TTC28: variants seen among roughly 807,000 people sequenced by gnomAD.
TTC28 encodes tetratricopeptide repeat protein 28.
TTC28 carries 61 observed loss-of-function variants against 198.0 expected under a neutral mutation model. The ratio of observed to expected loss-of-function variants is 0.31; its 90% CI spans 0.25 to 0.38. TTC28 has a LOEUF of 0.38. Among genes scored for constraint, TTC28 ranks in the 10% least tolerant of loss-of-function variants. The pLI is 1.00. For synonymous variants in TTC28, 1,171 were observed against 1,297.8 expected, an observed-to-expected ratio of 0.90 and a Z score of 2.10; for missense variants, 2,678 against 3,164.0, an observed-to-expected ratio of 0.85 and a Z score of 3.69.
chr22:27,984,923 G>A (rs1160305737), intron 22 of TTC28, among the ~76,000 whole-genome samples: 1 of 152,196 alleles, frequency 6.6e-6, no homozygotes, highest in Non-Finnish European at 1.5e-5. Context: ...CACATGACCT[G>A]AGTGTCCGCT....
chr22:28,004,841 G>A (rs1433206099), intron 14 of TTC28, among the ~76,000 whole-genome samples: 4 of 152,214 alleles, frequency 2.6e-5, no homozygotes, highest in Admixed American at 6.5e-5. Flanking sequence ...GAAAGCAAGC[G>A]ATATCTCTAT....
chr22:28,444,090 T>A (rs1171242606), intron 2 of TTC28, among the ~76,000 whole-genome samples: 1 of 152,224 alleles, frequency 6.6e-6, no homozygotes, highest in East Asian at 1.9e-4. Context: ...TTCATTCATC[T>A]TCTGTGAAAT....
chr22:28,587,957 T>C (rs185325882), intron 2 of TTC28, among the ~76,000 whole-genome samples: 4 of 151,486 alleles, frequency 2.6e-5, no homozygotes, highest in Admixed American at 6.6e-5. Flanking sequence ...CTGGCTAACA[T>C]GGTGAAACCC....
chr22:28,604,034 T>C (rs1338949216), intron 2 of TTC28, among the ~76,000 whole-genome samples: 2 of 152,020 alleles, frequency 1.3e-5, no homozygotes, highest in African/African-American at 4.8e-5. Context: ...TCCCAGCATT[T>C]TGGGAGGCCG....
chr22:28,155,913 GA>G (rs1294378101), intron 6 of TTC28, among the ~76,000 whole-genome samples: 1 of 152,210 alleles, frequency 6.6e-6, no homozygotes, highest in Non-Finnish European at 1.5e-5. Flanking sequence ...GACATGGGAA[GA>G]AGGGAATGGA....
intron 2 of TTC28, among the ~76,000 whole-genome samples, chr22:28,344,144 A>G (rs2045873303): frequency 6.6e-6 from 1 of 151,212 alleles, no homozygotes; most frequent in Admixed American, 6.6e-5. Context: ...GCAATCTAGT[A>G]TGGTGTCTAG....
intron 5 of TTC28, among the ~76,000 whole-genome samples, chr22:28,166,266 G>A (rs942988662): frequency 2.6e-5 from 4 of 152,046 alleles, no homozygotes; most frequent in South Asian, 2.1e-4. Context: ...ACAGATCAAC[G>A]AGACAGAAAG....
chr22:28,350,335 G>C (rs1161009495), intron 2 of TTC28, among the ~76,000 whole-genome samples: 1 of 152,052 alleles, frequency 6.6e-6, no homozygotes, highest in African/African-American at 2.4e-5. Flanking sequence ...AAGAAAATTT[G>C]GATCTTTATT....
chr22:28,597,047 A>G (rs1201690607), intron 2 of TTC28, among the ~76,000 whole-genome samples: 1 of 152,204 alleles, frequency 6.6e-6, no homozygotes, highest in Non-Finnish European at 1.5e-5. Context: ...GAGTCATACC[A>G]TCAAGATTCA....
intron 6 of TTC28, among the ~76,000 whole-genome samples, chr22:28,137,070 C>T (rs1943216629): frequency 6.6e-6 from 1 of 152,188 alleles, no homozygotes; most frequent in Non-Finnish European, 1.5e-5. Context: ...ATGGCTGTTG[C>T]TGGCTGTTAG....
rs370842753 is a variant in TTC28 at position 28,229,653 on chromosome 22, G to A, written c.934-66054C>T. Among the ~76,000 whole-genome samples the A allele has an allele frequency of 2.6e-5, 4 of 152,236 alleles. No individual in the cohort carries two copies. In the East Asian group the frequency reaches 5.8e-4, roughly 22 times the overall value. Reference sequence around the variant, plus strand: ...ATGGAGGCAACAAGCAGCTTCCTAAGAGCTGCTAGTCTTAAAAGCTTATTC... The same window carrying A: ...ATGGAGGCAACAAGCAGCTTCCTAAAAGCTGCTAGTCTTAAAAGCTTATTC... On this transcript the variant is annotated intron_variant, in intron 5 of 22. Coordinates refer to ENST00000397906, the MANE Select transcript of TTC28 (RefSeq NM_001145418.2).
intron 5 of TTC28, among the ~76,000 whole-genome samples, chr22:28,201,467 A>G (rs1418703920): frequency 6.6e-6 from 1 of 152,124 alleles, no homozygotes; most frequent in African/African-American, 2.4e-5. Flanking sequence ...AAACCTGAAG[A>G]ATCAGTAAGA....
intron 1 of TTC28, among the ~76,000 whole-genome samples, chr22:28,655,625 A>G (rs1308634299): frequency 6.6e-6 from 1 of 152,176 alleles, no homozygotes; most frequent in Non-Finnish European, 1.5e-5. Context: ...GCACTTTGGG[A>G]GGCCCAGGCG....
At chr22:28,395,070 C>T (rs983864912) in intron 2 of TTC28, among the ~76,000 whole-genome samples, 1 of 152,182 alleles carries the variant, frequency 6.6e-6, no homozygotes, top group Non-Finnish European at 1.5e-5. Context: ...CAGACAGGAA[C>T]ATGAGTTTCA....
chr22:28,074,856 T>C (rs927149810), intron 12 of TTC28, among the ~76,000 whole-genome samples: 1 of 152,134 alleles, frequency 6.6e-6, no homozygotes, highest in African/African-American at 2.4e-5. Context: ...TCCCAGCACT[T>C]TGGGAGGCCA....
At chr22:28,164,751 G>A (rs1663381676) in intron 5 of TTC28, among the ~76,000 whole-genome samples, 1 of 152,122 alleles carries the variant, frequency 6.6e-6, no homozygotes, top group Non-Finnish European at 1.5e-5. Context: ...CTCCTCCAAA[G>A]GAACACAGTT....
At chr22:28,290,033 A>AAT (rs2044758650) in intron 5 of TTC28, among the ~76,000 whole-genome samples, 1 of 150,236 alleles carries the variant, frequency 6.7e-6, no homozygotes. Flanking sequence ...CAAAAAAAAA[A>AAT]TTTTTTTTTT....
chr22:28,526,233 C>G (rs1403805393), intron 2 of TTC28, among the ~76,000 whole-genome samples: 1 of 152,114 alleles, frequency 6.6e-6, no homozygotes, highest in Non-Finnish European at 1.5e-5. Flanking sequence ...ATAAGACAAA[C>G]TATCTCATTT....
At chr22:28,378,866 CA>C (rs2046453795) in intron 2 of TTC28, among the ~76,000 whole-genome samples, 1 of 151,330 alleles carries the variant, frequency 6.6e-6, no homozygotes, top group African/African-American at 2.4e-5. Flanking sequence ...CAGGAGAGGG[CA>C]AAAAAATATA....
Sources: allele counts gnomAD v4.1 joint callset (sites outside exome capture counted in the v4.1 genomes callset), GRCh38; gene constraint gnomAD v4.1.1; transcripts MANE v1.5; gene names NCBI Gene and HGNC (gene_info 2026-07-23, HGNC 2026-07-21).